IL16: variants seen among roughly 807,000 people sequenced by gnomAD.
IL16 encodes interleukin 16.
IL16 carries 67 observed loss-of-function variants against 110.1 expected under a neutral mutation model. The ratio of observed to expected loss-of-function variants is 0.61; its 90% CI spans 0.50 to 0.75. The LOEUF (loss-of-function observed/expected upper bound fraction) is 0.75. Among genes scored for constraint, IL16 ranks in the 30% least tolerant of loss-of-function variants. The pLI is 0.00. For missense variants in IL16, 1,545 were observed against 1,655.0 expected (o/e 0.93, Z 1.15); for synonymous variants, 689 against 662.9 (o/e 1.04, Z -0.61).
At chr15:81,302,213 G>A (rs1366714574) in intron 15 of IL16, 2 of 152,260 alleles carry the variant, frequency 1.3e-5, no homozygotes, top group African/African-American at 2.4e-5. Flanking sequence ...CATACAAGGA[G>A]GCCTCATAGC....
chr15:81,227,060 T>C (rs1013924838), intron 2 of IL16, among the ~76,000 whole-genome samples: 1 of 152,030 alleles, frequency 6.6e-6, no homozygotes, highest in African/African-American at 2.4e-5. Flanking sequence ...TCACTTAAGA[T>C]AGAGTGAAAA....
At chr15:81,297,758 G>A (rs1395037289) in intron 13 of IL16, among the ~76,000 whole-genome samples, 1 of 152,194 alleles carries the variant, frequency 6.6e-6, no homozygotes, top group African/African-American at 2.4e-5. Context: ...ATTGAATGCT[G>A]GCTTCGTGAG....
chr15:81,270,805 C>T (rs1425448050), intron 5 of IL16, among the ~76,000 whole-genome samples: 4 of 152,108 alleles, frequency 2.6e-5, no homozygotes, highest in Non-Finnish European at 5.9e-5. Context: ...AATGAGTAAT[C>T]TTTATGAGGC....
In IL16 at chr15:81,258,799, G is replaced by A. The variant is rs1045650210; in HGVS notation, c.313-973G>A. On this transcript the variant is annotated intron_variant, in intron 2 of 18. Transcript: ENST00000683961. Reference sequence around the variant, plus strand: ...TATATATATATATTTGTGCATATACGCACACACAACATGTGCACACACACA... The same window carrying A: ...TATATATATATATTTGTGCATATACACACACACAACATGTGCACACACACA... 9.6e-4 allele frequency among the ~76,000 whole-genome samples: 144 copies of A among 149,312 alleles called. 1 individual carries two copies. Among genetic ancestry groups the A allele is most frequent in the Middle Eastern group, 3.2e-3 (1 of 316 alleles).
chr15:81,225,073 G>C (rs1896741514), intron 1 of IL16, among the ~76,000 whole-genome samples: 1 of 152,122 alleles, frequency 6.6e-6, no homozygotes, highest in African/African-American at 2.4e-5. Context: ...GAAGCTCTGG[G>C]GCTAGGTCTC....
At position 81,265,725 on chromosome 15, in the gene IL16, ACAGG is replaced by A. The variant is rs1567025416; in HGVS notation, c.492_495del (p.Arg164SerfsTer33). On this transcript the variant is annotated frameshift_variant, in exon 4 of 19. Transcript: ENST00000683961. LOFTEE classifies it high-confidence loss of function. ...ACCAAGAAATCTGCAGCGCCCACGGACAGGCAGCCTTACTCTCTCTGCAGTAACA... is the reference window on the plus strand; with the variant it reads ...ACCAAGAAATCTGCAGCGCCCACGGACAGCCTTACTCTCTCTGCAGTAACA... The A allele has an allele frequency of 1.9e-6, 3 of 1,613,778 alleles. No individual in the cohort carries two copies. In the South Asian group the frequency reaches 3.3e-5, roughly 18 times the overall value.
intron 17 of IL16, 94 bp from the exon 18 acceptor site, chr15:81,306,326 G>A (rs1900556332): frequency 9.0e-6 from 14 of 1,559,318 alleles, no homozygotes; most frequent in East Asian, 4.5e-5. Flanking sequence ...GTGCAAACAC[G>A]GGGGCTGTAT....
rs1055263635 is a variant in IL16, at chr15:81,305,967, T to C, written c.3480T>C (p.Asn1160=). ...ASQEGTIQKG[N]EVLSINGKSL... The stretch of plus-strand genomic sequence containing the variant: ...AGGAAGGGACTATTCAGAAGGGCAA[T>C]GAGGTTCTTTCCATCAACGGCAAGT... Residue 1160 remains asparagine (N), a synonymous_variant, in exon 17 of 19, where the codon AAT becomes AAC. Transcript: ENST00000683961. 6.2e-7 allele frequency: 1 copy of C among 1,614,040 alleles called. No individual in the cohort carries two copies.
chr15:81,262,073 C>T (rs978294929), intron 3 of IL16, among the ~76,000 whole-genome samples: 10 of 152,012 alleles, frequency 6.6e-5, no homozygotes, highest in Non-Finnish European at 1.2e-4. Context: ...CCTGCCCCCC[C>T]GAAAAGAGGT....
chr15:81,256,174 T>G (rs1026283834), intron 2 of IL16, among the ~76,000 whole-genome samples: 2 of 152,078 alleles, frequency 1.3e-5, no homozygotes, highest in African/African-American at 2.4e-5. Context: ...ATTTGTTGAA[T>G]GAATGAGTGT....
At chr15:81,243,724 A>T (rs1897433257) in intron 2 of IL16, among the ~76,000 whole-genome samples, 1 of 152,190 alleles carries the variant, frequency 6.6e-6, no homozygotes, top group Non-Finnish European at 1.5e-5. Flanking sequence ...TACAAATTCA[A>T]TGTTCTTAAT....
At position 81,308,758 on chromosome 15, in the gene IL16, G is replaced by A; in HGVS notation, c.3959G>A (p.Ser1320Asn). 6.2e-7 allele frequency: 1 copy of A among 1,613,942 alleles called. No individual in the cohort carries two copies. Among genetic ancestry groups the A allele is most frequent in the Non-Finnish European group, 8.5e-7 (1 of 1,179,990 alleles). The change falls in exon 19 of 19, where the codon AGC becomes AAC. Residue 1320 changes from serine (S) to asparagine (N), a missense_variant. This residue lies in a region of IL16 where 356 missense variants were observed against 399.3 expected (regional missense o/e 0.89). Coordinates refer to ENST00000683961, the MANE Select transcript of IL16 (RefSeq NM_172217.5). ...GPVTIVIRRK[S>N]LQSKETTAAG... ...GTCACGATTGTCATCAGGAGAAAAA[G>A]CCTCCAGTCCAAGGAAACCACAGCT...
rs894865298 is a variant in IL16, at chr15:81,216,844, C to T, written c.-101-8455C>T. On this transcript the variant is annotated intron_variant, in intron 1 of 18. Coordinates refer to ENST00000683961, the MANE Select transcript of IL16 (RefSeq NM_172217.5). ...CAGCCAAGCCTCTTCCAGCCTCCCT[C>T]CTCTCCACTGCATACTAAGTAGATT... Among the ~76,000 whole-genome samples, 3 of 152,180 alleles carry T rather than the reference C, an allele frequency of 2.0e-5. No homozygotes were observed. In the East Asian group the frequency reaches 5.8e-4, roughly 29 times the overall value.
At chr15:81,254,150 A>C (rs1342533636) in intron 2 of IL16, among the ~76,000 whole-genome samples, 1 of 152,216 alleles carries the variant, frequency 6.6e-6, no homozygotes, top group Non-Finnish European at 1.5e-5. Context: ...GTTCAAAGAG[A>C]AAATGGTAAG....
At chr15:81,265,174 T>C (rs1455709022) in intron 3 of IL16, among the ~76,000 whole-genome samples, 1 of 152,210 alleles carries the variant, frequency 6.6e-6, no homozygotes, top group Non-Finnish European at 1.5e-5. Context: ...TCCGTGTGTG[T>C]GTATCCCTGT....
At chr15:81,209,999 A>G (rs1486400224) in intron 1 of IL16, among the ~76,000 whole-genome samples, 1 of 152,126 alleles carries the variant, frequency 6.6e-6, no homozygotes, top group Non-Finnish European at 1.5e-5. Flanking sequence ...ATAGTTTGAG[A>G]TCTTATATTT....
Position 81,306,110 on chromosome 15 carries a change from C to T in IL16, c.3623C>T (p.Ser1208Phe). ...LTPEAMPDLN[S>F]STDSAASASA... ...CCAGAGGCCATGCCCGACCTCAACT[C>T]CTCCACTGACTCTGCAGCCTCAGCC... The change falls in exon 17 of 19, where the codon TCC (serine) becomes TTC (phenylalanine). Residue 1208 changes from serine to phenylalanine, a missense_variant. Transcript: ENST00000683961. 1 of 1,614,218 alleles carries T rather than the reference C, an allele frequency of 6.2e-7. No individual in the cohort carries two copies. The highest frequency in any genetic ancestry group is 8.5e-7 in the Non-Finnish European group (1 of 1,180,040).
intron 1 of IL16, among the ~76,000 whole-genome samples, chr15:81,208,734 C>T (rs1896126171): frequency 6.6e-6 from 1 of 152,176 alleles, no homozygotes; most frequent in South Asian, 2.1e-4. Flanking sequence ...TGCATATTAT[C>T]AAATATACAT....
chr15:81,185,272 A>T (rs1236328214), intron 1 of IL16, among the ~76,000 whole-genome samples: 1 of 152,066 alleles, frequency 6.6e-6, no homozygotes, highest in Admixed American at 6.5e-5. Context: ...GTCTCCTCCT[A>T]ATTTCCTATT....
Sources: allele counts gnomAD v4.1 joint callset (sites outside exome capture counted in the v4.1 genomes callset), GRCh38; gene constraint gnomAD v4.1.1; regional missense constraint gnomAD v4.1.1; transcripts MANE v1.5; gene names NCBI Gene and HGNC (gene_info 2026-07-23, HGNC 2026-07-21).